Variants in ADGRE3 observed in about 807,000 individuals in gnomAD.
ADGRE3 encodes adhesion G protein-coupled receptor E3.
ADGRE3 carries 88 observed loss-of-function variants against 80.1 expected under a neutral mutation model. The observed-to-expected ratio is 1.10, with a 90% confidence interval of 0.93 to 1.31. The LOEUF (loss-of-function observed/expected upper bound fraction) is 1.31, where lower values mean the gene tolerates loss of function less well. ADGRE3 is among the 40% of genes most tolerant of loss of function. ADGRE3 has a pLI of 0.00. For missense variants in ADGRE3, 715 were observed against 776.5 expected (o/e 0.92, Z 0.94); for synonymous variants, 281 against 294.8 (o/e 0.95, Z 0.48).
chr19:14,644,339 G>A, intron 8 of ADGRE3, 64 bp from the exon 9 acceptor site: 1 of 1,245,596 alleles, frequency 8.0e-7, no homozygotes, highest in East Asian at 2.8e-5. Context: ...TTTTTTTTTG[G>A]AGACAAAATC....
chr19:14,634,860 G>A (rs111842966), intron 11 of ADGRE3, among the ~76,000 whole-genome samples: 511 of 39,588 alleles, frequency 0.013, 10 homozygotes, highest in East Asian at 6.2e-3. Flanking sequence ...TAAATTCCTC[G>A]GCTACAAGAA....
chr19:14,665,970 A>ATATATATATATATG (rs1568500876), intron 2 of ADGRE3, among the ~76,000 whole-genome samples: 40 of 130,108 alleles, frequency 3.1e-4, no homozygotes, highest in African/African-American at 1.1e-3. Context: ...ATATATATAT[A>ATATATATATATATG]TATATATAGT....
At chr19:14,620,568 A>ATTTTTTTTTTTTT (rs1189295641) in intron 15 of ADGRE3, among the ~76,000 whole-genome samples, 6 of 11,048 alleles carry the variant, frequency 5.4e-4, no homozygotes, top group Non-Finnish European at 8.9e-4. Context: ...ATATATATAT[A>ATTTTTTTTTTTTT]TTTTTTTTTT....
chr19:14,629,314 G>GA (rs1243909953), intron 14 of ADGRE3, among the ~76,000 whole-genome samples: 2 of 151,726 alleles, frequency 1.3e-5, no homozygotes, highest in Non-Finnish European at 2.9e-5. Context: ...ATAGTAGTTG[G>GA]AAAAAAAATA....
chr19:14,638,045 G>A lies in ADGRE3; in HGVS notation c.1484+60C>T, dbSNP rs1971146798. On this transcript the variant is annotated intron_variant, in intron 11 of 15. Coordinates refer to ENST00000253673, the MANE Select transcript of ADGRE3 (RefSeq NM_032571.5). ...GTATATTCCCACCATCATCATGAAT[G>A]CTGCCCTCAAAAGCTTTCTTAGGAA... is the stretch of plus-strand genomic sequence containing the variant. 5.8e-6 allele frequency: 7 copies of A among 1,205,754 alleles called. No individual in the cohort carries two copies. The African/African-American group carries it at 1.0e-4, about 18-fold the overall frequency. The allele number at this position is 1,205,754 out of a possible 1,614,324, so 74.7% of individuals were successfully genotyped here.
chr19:14,623,073 G>A (rs1193200262), intron 15 of ADGRE3, among the ~76,000 whole-genome samples: 1 of 32,564 alleles, frequency 3.1e-5, no homozygotes, highest in East Asian at 4.7e-4. Context: ...AACATGTGAA[G>A]TTATACTGTG....
At chr19:14,617,341 C>CCTCCCTCCCTCTTTCTTTCTTT, downstream of ADGRE3, among the ~76,000 whole-genome samples, 1 of 57,170 alleles carries the variant, frequency 1.7e-5, no homozygotes, top group Non-Finnish European at 3.7e-5. Flanking sequence ...TCCCTCCCTC[C>CCTCCCTCCCTCTTTCTTTCTTT]CTTTCTTTCT....
At position 14,629,788 on chromosome 19, in the gene ADGRE3, C is replaced by T. The variant is rs143807296; in HGVS notation, c.1812+251G>A. Among the ~76,000 whole-genome samples the T allele has an allele frequency of 7.3e-3, 1,103 of 152,046 alleles. 6 individuals are homozygous for T. The highest frequency in any genetic ancestry group is 0.02 in the Middle Eastern group (6 of 294). On this transcript the variant is annotated intron_variant, in intron 14 of 15. Transcript: ENST00000253673. ...GTTACACAGCATTAGCTGACTATTACGAGTGGGAAAACTGAGAAAAAGGCA... is the reference window on the plus strand; with the variant it reads ...GTTACACAGCATTAGCTGACTATTATGAGTGGGAAAACTGAGAAAAAGGCA...
At chr19:14,666,513 G>C (rs1043642578) in intron 2 of ADGRE3, among the ~76,000 whole-genome samples, 9 of 151,912 alleles carry the variant, frequency 5.9e-5, no homozygotes, top group Non-Finnish European at 1.2e-4. Context: ...AGTAGCTAGG[G>C]TTACAGATGC....
chr19:14,617,381 T>TCTTTCTTTCTTTCTTTCTTTCTTC (rs2075087722), downstream of ADGRE3, among the ~76,000 whole-genome samples: 8 of 131,010 alleles, frequency 6.1e-5, 1 homozygote, highest in South Asian at 1.6e-3. Context: ...TTTCTTCCTT[T>TCTTTCTTTCTTTCTTTCTTTCTTC]CTTTCTTTCT....
chr19:14,604,772 A>T, the ADGRE3 span, among the ~76,000 whole-genome samples: 56 of 151,252 alleles, frequency 3.7e-4, no homozygotes, highest in South Asian at 3.4e-3. Context: ...CAAAAAAAAA[A>T]TTTTTTTTTT....
rs1971241420 is a variant in ADGRE3 at position 14,641,366 on chromosome 19, G to A, written c.1248+53C>T. The A allele has an allele frequency of 3.7e-6, 6 of 1,604,624 alleles. No homozygotes were observed. In the African/African-American group the frequency reaches 8.0e-5, roughly 21 times the overall value. On this transcript the variant is annotated intron_variant, in intron 10 of 15. Transcript: ENST00000253673. ...GGAATCTAGTGCAGCATTGCTCCAT[G>A]AGCTCAGTGTACCTTGGGGCAGAAA...
intron 1 of ADGRE3, among the ~76,000 whole-genome samples, chr19:14,669,330 A>G (rs1386682223): frequency 6.6e-6 from 1 of 152,120 alleles, no homozygotes; most frequent in Admixed American, 6.5e-5. Flanking sequence ...CAAATATTGT[A>G]TGTTCTCACT....
chr19:14,635,409 A>G (rs1459000811), intron 11 of ADGRE3, among the ~76,000 whole-genome samples: 1 of 120,630 alleles, frequency 8.3e-6, no homozygotes, highest in East Asian at 2.4e-4. Flanking sequence ...CTGGTCTTCC[A>G]TTTTTTTTTT....
the ADGRE3 span, among the ~76,000 whole-genome samples, chr19:14,608,654 G>C: frequency 8.0e-6 from 1 of 125,460 alleles, no homozygotes; most frequent in Non-Finnish European, 1.6e-5. Context: ...TTTTTTTTGA[G>C]ACAGAGTCTC....
the ADGRE3 span, among the ~76,000 whole-genome samples, chr19:14,601,115 C>T: frequency 1.3e-5 from 2 of 151,520 alleles, no homozygotes; most frequent in Non-Finnish European, 2.9e-5. Context: ...GTTGGCCAGG[C>T]TGTTCTCGAA....
chr19:14,641,761 GACTGCTAATATAC>G, intron 9 of ADGRE3, 145 bp from the exon 10 acceptor site: 1 of 956,552 alleles, frequency 1.0e-6, no homozygotes, highest in Non-Finnish European at 1.6e-6. Context: ...TGCTAATGTA[GACTGCTAATATAC>G]ACTGCTAATA....
chr19:14,643,273 G>A (rs758702668), intron 9 of ADGRE3, among the ~76,000 whole-genome samples: 24 of 150,960 alleles, frequency 1.6e-4, no homozygotes, highest in African/African-American at 3.9e-4. Context: ...AGCCTCCTGC[G>A]TAGCTGGGAC....
At position 14,661,969 on chromosome 19, in the gene ADGRE3, AG is replaced by A; in HGVS notation, c.348del (p.Cys117ValfsTer57). ...NEQFSNSNENTCQDTTSSKTT... is the reference protein window; with the variant it reads ...NEQFSNSNENXCQDTTSSKTT... ...AGGACAAAAATGTTCTTACCCTGAC[AG>A]GTGTTCTCATTGGAATTACTGAATT... On this transcript the variant is annotated frameshift_variant, in exon 4 of 16. Coordinates refer to ENST00000253673, the MANE Select transcript of ADGRE3 (RefSeq NM_032571.5). LOFTEE classifies it high-confidence loss of function. The A allele has an allele frequency of 6.2e-7, 1 of 1,614,104 alleles. No homozygotes were observed. The highest frequency in any genetic ancestry group is 8.5e-7 in the Non-Finnish European group (1 of 1,179,938).
Sources: allele counts gnomAD v4.1 joint callset (sites outside exome capture counted in the v4.1 genomes callset), GRCh38; gene constraint gnomAD v4.1.1; transcripts MANE v1.5; gene names NCBI Gene and HGNC (gene_info 2026-07-23, HGNC 2026-07-21).